Variants in SLC29A4 observed in about 807,000 individuals in gnomAD.
SLC29A4 encodes the protein equilibrative nucleoside transporter 4.
Under a neutral mutation model 43.9 loss-of-function variants are expected in SLC29A4, and 36 were observed. The ratio of observed to expected loss-of-function variants is 0.82; its 90% CI spans 0.63 to 1.08. The LOEUF (loss-of-function observed/expected upper bound fraction) is 1.08. Ranked by LOEUF, SLC29A4 falls within the 50% of genes least tolerant of loss-of-function variation. The pLI is 0.00. For synonymous variants in SLC29A4, 491 were observed against 338.0 expected (o/e 1.45, Z -4.97); for missense variants, 869 against 755.3 (o/e 1.15, Z -1.77).
At chr7:5,298,190 C>T (rs553155061) in intron 7 of SLC29A4, among the ~76,000 whole-genome samples, 37 of 152,246 alleles carry the variant, frequency 2.4e-4, no homozygotes, top group African/African-American at 7.9e-4. Flanking sequence ...CCAGAAACAC[C>T]ATCCCCAGGG....
At chr7:5,293,254 C>T (rs1207722109) in intron 5 of SLC29A4, among the ~76,000 whole-genome samples, 4 of 150,316 alleles carry the variant, frequency 2.7e-5, no homozygotes, top group African/African-American at 9.8e-5. Flanking sequence ...TCACTGCAAC[C>T]TCCGTCTCCC....
Position 5,299,145 on chromosome 7 carries a change from C to G in SLC29A4, c.1021+19C>G, listed in dbSNP as rs764281190. 6.2e-7 allele frequency: 1 copy of G among 1,603,474 alleles called. No homozygotes were observed. Among genetic ancestry groups the G allele is most frequent in the Non-Finnish European group, 8.5e-7 (1 of 1,173,910 alleles). ...TTCAGAGGTGAGTGCGGGGAGTCCT[C>G]TGCTGCCCTGGCTCTGGCACCCAGG... On this transcript the variant is annotated intron_variant, in intron 8 of 10. Transcript: ENST00000396872.
chr7:5,291,421 C>G (rs924429052), intron 4 of SLC29A4, among the ~76,000 whole-genome samples, 184 bp downstream of exon 4: 2 of 152,230 alleles, frequency 1.3e-5, no homozygotes, highest in African/African-American at 4.8e-5. Context: ...AAGTCATGTC[C>G]CTGGGCCTTG....
intron 2 of SLC29A4, among the ~76,000 whole-genome samples, chr7:5,288,951 C>T (rs968409535): frequency 2.6e-5 from 4 of 152,116 alleles, no homozygotes; most frequent in South Asian, 2.1e-4. Context: ...TCGGTGTCTT[C>T]TTCTGGAAAA....
At chr7:5,302,005 C>T (rs1786200476) in intron 10 of SLC29A4, among the ~76,000 whole-genome samples, 1 of 152,114 alleles carries the variant, frequency 6.6e-6, no homozygotes, top group Non-Finnish European at 1.5e-5. Flanking sequence ...GGCTGGAGTG[C>T]AGTGGCACGA....
chr7:5,295,829 CGA>C (rs1785612298), intron 6 of SLC29A4, among the ~76,000 whole-genome samples: 1 of 147,312 alleles, frequency 6.8e-6, no homozygotes, highest in East Asian at 2.0e-4. Context: ...TGTGGCCGAG[CGA>C]GAGAGGGTGC....
At chr7:5,292,761 C>T (rs112678211) in intron 5 of SLC29A4, among the ~76,000 whole-genome samples, 6,180 of 134,220 alleles carry the variant, frequency 0.046, 463 homozygotes, top group African/African-American at 0.16. Flanking sequence ...TGCAGTGGCA[C>T]CATCTCAACT....
rs775532633 is a variant in SLC29A4, at chr7:5,297,088, G to C, written c.772G>C (p.Val258Leu). The change falls in exon 7 of 11, where the codon GTG becomes CTG. Residue 258 changes from valine (V) to leucine (L), a missense_variant. By Grantham distance (32) the Val-to-Leu change is conservative. Coordinates refer to ENST00000396872, the MANE Select transcript of SLC29A4 (RefSeq NM_153247.4). ...CCTGTTAGTGCGGCGCAGCCGCTTC[G>C]TGCTCTTCTATACCACACGGCCGCG... is the stretch of plus-strand genomic sequence containing the variant. ...LHLLVRRSRF[V>L]LFYTTRPRDS... The C allele has an allele frequency of 6.8e-6, 11 of 1,607,916 alleles. No individual in the cohort carries two copies. Among genetic ancestry groups the C allele is most frequent in the Admixed American group, 6.7e-5 (4 of 59,994 alleles).
chr7:5,293,490 T>C (rs1453033737), intron 5 of SLC29A4, among the ~76,000 whole-genome samples: 3 of 152,142 alleles, frequency 2.0e-5, no homozygotes, highest in African/African-American at 7.2e-5. Context: ...ACTTTCAAAC[T>C]CTTTTTGACC....
At chr7:5,297,979 A>C (rs1238687114) in intron 7 of SLC29A4, among the ~76,000 whole-genome samples, 1 of 152,230 alleles carries the variant, frequency 6.6e-6, no homozygotes, top group East Asian at 1.9e-4. Context: ...TGGCAGCAGC[A>C]CTGCACAGCC....
Position 5,299,258 on chromosome 7 carries a change from A to G in SLC29A4, c.1040A>G (p.Tyr347Cys). 6.2e-7 allele frequency: 1 copy of G among 1,612,170 alleles called. No individual in the cohort carries two copies. The highest frequency in any genetic ancestry group is 1.3e-5 in the African/African-American group (1 of 75,010). ...CCTCCAGCCCTGTTACTGCACCGCT[A>G]CGTGGTGGCGCGGGTGATCTGGGCC... ...PTFRALLLHR[Y>C]VVARVIWADM... The change falls in exon 9 of 11, where the codon TAC becomes TGC. Residue 347 changes from tyrosine (Y) to cysteine (C), a missense_variant. Coordinates refer to ENST00000396872, the MANE Select transcript of SLC29A4 (RefSeq NM_153247.4).
chr7:5,293,649 A>ATTTTATT (rs1473783553), intron 5 of SLC29A4, among the ~76,000 whole-genome samples: 16 of 151,526 alleles, frequency 1.1e-4, no homozygotes, highest in Non-Finnish European at 2.1e-4. Context: ...CTGTGACTAG[A>ATTTTATT]TTTTATTTTT....
chr7:5,292,944 C>T (rs1249220836), intron 5 of SLC29A4, among the ~76,000 whole-genome samples: 1 of 151,464 alleles, frequency 6.6e-6, no homozygotes, highest in Non-Finnish European at 1.5e-5. Flanking sequence ...GGTGATCCGC[C>T]CACCTCAGCC....
intron 10 of SLC29A4, 80 bp downstream of exon 10, chr7:5,300,742 C>T (rs546906456): frequency 3.0e-5 from 46 of 1,536,872 alleles, no homozygotes; most frequent in Middle Eastern, 4.7e-4. Context: ...CAGGCTAGAC[C>T]GCAGGAAGGT....
Position 5,291,058 on chromosome 7 carries a change from A to C in SLC29A4, c.302-66A>C, listed in dbSNP as rs1297106643. On this transcript the variant is annotated intron_variant, in intron 3 of 10. Coordinates refer to ENST00000396872, the MANE Select transcript of SLC29A4 (RefSeq NM_153247.4). ...CAGCGAGCCCCTTCTGGGAGGTCTC[A>C]CCTGGCAGGAGTCAGTGCAGGGGGT... The C allele has an allele frequency of 1.9e-6, 3 of 1,583,608 alleles. No homozygotes were observed. In the Admixed American group the frequency reaches 5.0e-5, roughly 27 times the overall value.
At chr7:5,293,544 G>A (rs1785449277) in intron 5 of SLC29A4, among the ~76,000 whole-genome samples, 1 of 152,106 alleles carries the variant, frequency 6.6e-6, no homozygotes, top group Non-Finnish European at 1.5e-5. Context: ...TTACGGCCCT[G>A]TAAACACGTG....
intron 10 of SLC29A4, 142 bp from the exon 11 acceptor site, chr7:5,302,655 G>A: frequency 2.6e-6 from 2 of 764,410 alleles, no homozygotes; most frequent in Non-Finnish European, 4.2e-6. Flanking sequence ...CGGAGAGGGT[G>A]CTCCCAGGAG....
intron 1 of SLC29A4, among the ~76,000 whole-genome samples, chr7:5,285,398 C>T (rs1436584778): frequency 6.6e-6 from 1 of 152,202 alleles, no homozygotes; most frequent in East Asian, 1.9e-4. Context: ...GACCGCCTCT[C>T]CCCTGGTAGT....
chr7:5,303,477 T>G lies in SLC29A4; in HGVS notation c.*538T>G, dbSNP rs113391052. 493 of 159,384 alleles carry G rather than the reference T, an allele frequency of 3.1e-3. 5 individuals carry two copies. Among genetic ancestry groups the G allele is most frequent in the African/African-American group, 0.011 (463 of 41,634 alleles). 9.9% of individuals were successfully genotyped at this position (159,384 alleles called of 1,614,324 possible). On this transcript the variant is annotated 3_prime_UTR_variant, in exon 11 of 11. Transcript: ENST00000396872. ...CCCTTCTGTCCTCATTCTTAGAGAC[T>G]GCTTCTCCCAAACATAACGCGTTAG...
Sources: allele counts gnomAD v4.1 joint callset (sites outside exome capture counted in the v4.1 genomes callset), GRCh38; gene constraint gnomAD v4.1.1; transcripts MANE v1.5; gene names NCBI Gene and HGNC (gene_info 2026-07-23, HGNC 2026-07-21).